The following CACNA1A variants were observed in gnomAD, a reference collection of about 807,000 sequenced individuals.
CACNA1A encodes calcium voltage-gated channel subunit alpha1 A, also known as voltage-dependent P/Q-type calcium channel subunit alpha-1A.
CACNA1A carries 57 observed loss-of-function variants against 262.4 expected under a neutral mutation model. The observed-to-expected ratio is 0.22, with a 90% CI of 0.18 to 0.27. The LOEUF is 0.27. Ranked by LOEUF, CACNA1A falls within the 10% of genes least tolerant of loss-of-function variation. The pLI is 1.00. For synonymous variants in CACNA1A, 1,431 were observed against 1,419.3 expected (o/e 1.01, Z -0.18); for missense variants, 2,526 against 3,562.8 (o/e 0.71, Z 7.41).
intron 1 of CACNA1A, among the ~76,000 whole-genome samples, chr19:13,504,692 G>A (rs1043849588): frequency 6.6e-6 from 1 of 152,192 alleles, no homozygotes; most frequent in East Asian, 1.9e-4. Flanking sequence ...GGAACTGTGC[G>A]GAGAAGCGGC....
chr19:13,211,898 C>T, intron 43 of CACNA1A: 1 of 560,272 alleles, frequency 1.8e-6, no homozygotes, highest in Non-Finnish European at 3.2e-6. Context: ...CCTCTCTGTC[C>T]TCTGTGAGGG....
In CACNA1A at chr19:13,212,772, CA is replaced by C; in HGVS notation, c.5941-33del. On this transcript the variant is annotated intron_variant, in intron 40 of 46. Coordinates refer to ENST00000360228, the MANE Select transcript of CACNA1A (RefSeq NM_001127222.2). The surrounding 1 kb of genome is among the most constrained non-coding windows in gnomAD (Gnocchi z 5.6). ...AATGGGGCAGAGAGCAGTGTGTGGA[CA>C]AGGGTGGGGTGGTGGGACGGTGGTA... 1.6e-6 allele frequency: 2 copies of C among 1,247,938 alleles called. No individual in the cohort carries two copies. The highest frequency in any genetic ancestry group is 5.0e-5 in the East Asian group (2 of 40,364). The allele number at this position is 1,247,938 out of a possible 1,614,324, so 77.3% of individuals were successfully genotyped here.
Position 13,234,999 on chromosome 19 carries a change from T to C in CACNA1A, c.5171A>G (p.Asp1724Gly). 6.2e-7 allele frequency: 1 copy of C among 1,613,776 alleles called. No individual in the cohort carries two copies. Among genetic ancestry groups the C allele is most frequent in the East Asian group, 2.2e-5 (1 of 44,882 alleles). Residue 1724 changes from aspartate (D) to glycine (G), a missense_variant, in exon 34 of 47, where the codon GAC becomes GGC. This residue lies in a region of CACNA1A where 17 missense variants were observed against 16.5 expected (regional missense o/e 1.03). Coordinates refer to ENST00000360228, the MANE Select transcript of CACNA1A (RefSeq NM_001127222.2). The part of the protein sequence containing the change: ...GNIGIDVEDE[D>G]SDEDEFQITE... ...GATTTGGAACTCATCTTCATCACTG[T>C]CCTCGTCCTCCACGTCGATGCCAAT...
chr19:13,235,364 G>A lies in CACNA1A; in HGVS notation c.5068-90C>T, dbSNP rs2055839451. 45 of 1,303,128 alleles carry A rather than the reference G, an allele frequency of 3.5e-5. 2 individuals carry two copies. In the South Asian group the frequency reaches 5.7e-4, roughly 17 times the overall value. The allele number at this position is 1,303,128 out of a possible 1,614,324, so 80.7% of individuals were successfully genotyped here. On this transcript the variant is annotated intron_variant, in intron 32 of 46. Coordinates refer to ENST00000360228, the MANE Select transcript of CACNA1A (RefSeq NM_001127222.2). Reference sequence around the variant, plus strand: ...TTGTCCCAGTGCTCTGCCCCACTGGGTTGGGTGGCCATATGCCACGTGCCA... The same window carrying A: ...TTGTCCCAGTGCTCTGCCCCACTGGATTGGGTGGCCATATGCCACGTGCCA...
Position 13,334,607 on chromosome 19 carries a change from G to A in CACNA1A, c.1083-114C>T, listed in dbSNP as rs1020439695. 5.9e-6 allele frequency: 3 copies of A among 505,428 alleles called. No individual in the cohort carries two copies. In the East Asian group the frequency reaches 9.9e-5, roughly 17 times the overall value. 31.3% of individuals were successfully genotyped at this position (505,428 alleles called of 1,614,324 possible). On this transcript the variant is annotated intron_variant, in intron 7 of 46. Coordinates refer to ENST00000360228, the MANE Select transcript of CACNA1A (RefSeq NM_001127222.2). ...TGTGTGTGTGTTTGTGTGTGTGTGT[G>A]TGTTTGGGGATTCAGAAGTCCCTGG...
At chr19:13,282,090 G>A (rs2057305918) in intron 22 of CACNA1A, among the ~76,000 whole-genome samples, 1 of 152,258 alleles carries the variant, frequency 6.6e-6, no homozygotes, top group African/African-American at 2.4e-5. Context: ...AGGAGGCTGA[G>A]CACTGGCTCT....
chr19:13,209,967 G>C (rs985437194), intron 44 of CACNA1A, among the ~76,000 whole-genome samples: 5 of 152,166 alleles, frequency 3.3e-5, no homozygotes, highest in South Asian at 2.1e-4. Context: ...TATGGGCTCA[G>C]GACCAGGTGC....
intron 31 of CACNA1A, among the ~76,000 whole-genome samples, chr19:13,238,296 T>C (rs10421681): frequency 1.3e-5 from 2 of 151,900 alleles, no homozygotes. Context: ...TAGAATGTGA[T>C]GGGGGTGGGA....
At chr19:13,367,588 C>T (rs187669898) in intron 4 of CACNA1A, among the ~76,000 whole-genome samples, 11 of 148,716 alleles carry the variant, frequency 7.4e-5, no homozygotes, top group Admixed American at 3.4e-4. Context: ...ATTAGCTGGG[C>T]GTGGTGGCGG....
chr19:13,386,346 G>A (rs758497101), intron 3 of CACNA1A, among the ~76,000 whole-genome samples: 4 of 152,144 alleles, frequency 2.6e-5, no homozygotes, highest in Non-Finnish European at 5.9e-5. Context: ...AACAGGATCT[G>A]GGTGAAAAAT....
At chr19:13,281,175 G>A (rs1212828002) in intron 22 of CACNA1A, among the ~76,000 whole-genome samples, 1 of 151,734 alleles carries the variant, frequency 6.6e-6, no homozygotes, top group Non-Finnish European at 1.5e-5. Context: ...GAGGTCAAGA[G>A]TTCGAGACCA....
At chr19:13,338,041 A>G (rs1270842746) in intron 6 of CACNA1A, among the ~76,000 whole-genome samples, 1 of 152,144 alleles carries the variant, frequency 6.6e-6, no homozygotes. Flanking sequence ...AACATGGTGA[A>G]ACCCCGTCTC....
At chr19:13,410,918 C>T (rs888096223) in intron 3 of CACNA1A, among the ~76,000 whole-genome samples, 15 of 152,156 alleles carry the variant, frequency 9.9e-5, no homozygotes, top group Non-Finnish European at 1.5e-5. Context: ...TCATCTTCCC[C>T]AACCTCTTTA....
At chr19:13,344,092 T>C (rs1191059161) in intron 6 of CACNA1A, among the ~76,000 whole-genome samples, 1 of 151,728 alleles carries the variant, frequency 6.6e-6, no homozygotes, top group Non-Finnish European at 1.5e-5. Context: ...TGTGCACCAG[T>C]AGTCCCAGCT....
chr19:13,404,684 C>T (rs1281775360), intron 3 of CACNA1A, among the ~76,000 whole-genome samples: 3 of 152,070 alleles, frequency 2.0e-5, no homozygotes, highest in Admixed American at 6.6e-5. Flanking sequence ...GTACAAGTCC[C>T]GTGATGTTTC....
chr19:13,221,909 T>A (rs2055246438), intron 38 of CACNA1A, among the ~76,000 whole-genome samples: 1 of 152,030 alleles, frequency 6.6e-6, no homozygotes, highest in Non-Finnish European at 1.5e-5. Flanking sequence ...TATTTTTTAT[T>A]TTTATTTTTA....
In CACNA1A at chr19:13,287,989, A is replaced by G. The variant is rs190012586; in HGVS notation, c.3090-1023T>C. Among the ~76,000 whole-genome samples the G allele has an allele frequency of 5.7e-3, 865 of 151,950 alleles. 6 individuals carry two copies. Among genetic ancestry groups the G allele is most frequent in the Non-Finnish European group, 7.5e-3 (511 of 67,958 alleles). ...GCTAATTTTACAATTTTTTGTAGAG[A>G]CTGGCGTCTCACTATGTTGCCCAGG... is the stretch of plus-strand genomic sequence containing the variant. On this transcript the variant is annotated intron_variant, in intron 19 of 46. Coordinates refer to ENST00000360228, the MANE Select transcript of CACNA1A (RefSeq NM_001127222.2).
chr19:13,239,161 C>T (rs1266065304), intron 31 of CACNA1A, among the ~76,000 whole-genome samples: 2 of 152,174 alleles, frequency 1.3e-5, no homozygotes, highest in Non-Finnish European at 2.9e-5. Flanking sequence ...TAGGAGAAAG[C>T]CCATATTCCA....
chr19:13,255,788 C>T (rs1160309518), intron 28 of CACNA1A, among the ~76,000 whole-genome samples: 2 of 115,920 alleles, frequency 1.7e-5, no homozygotes, highest in African/African-American at 3.6e-5. Flanking sequence ...TTCCTTCCTT[C>T]CTCCCTCCCT....
Sources: gnomAD v4.1 joint callset for allele counts (sites outside exome capture counted in the v4.1 genomes callset) on GRCh38, gnomAD v4.1.1 for gene constraint, gnomAD v4.1.1 regional missense constraint, Gnocchi (gnomAD v3.1) non-coding constraint, MANE v1.5 for transcripts, NCBI Gene and HGNC (gene_info 2026-07-23, HGNC 2026-07-21) for gene names.